SNX3: variants seen among roughly 807,000 people sequenced by gnomAD.
The protein encoded by SNX3 is sorting nexin-3.
A neutral mutation model predicts 17.7 loss-of-function variants in SNX3; 5 were observed. The ratio of observed to expected loss-of-function variants is 0.28; its 90% CI spans 0.15 to 0.59. The LOEUF is 0.59. Ranked by LOEUF, SNX3 falls within the 20% of genes least tolerant of loss-of-function variation. The pLI, the probability that SNX3 is intolerant of heterozygous loss-of-function variation, is 0.88. For missense variants in SNX3, 132 were observed against 206.8 expected (o/e 0.64, Z 2.22); for synonymous variants, 91 against 76.5 (o/e 1.19, Z -0.99).
chr6:108,225,364 C>T (rs375932200), intron 1 of SNX3, among the ~76,000 whole-genome samples: 7 of 151,498 alleles, frequency 4.6e-5, no homozygotes, highest in African/African-American at 7.3e-5. Context: ...TTTGGGAGGC[C>T]GAGGTGGGCC....
chr6:108,214,755 G>T, intron 2 of SNX3, 133 bp from the exon 3 acceptor site: 1 of 887,034 alleles, frequency 1.1e-6, no homozygotes, highest in Non-Finnish European at 1.7e-6. Context: ...ATATAAAAGA[G>T]CAAAAAATAC....
At position 108,214,500 on chromosome 6, in the gene SNX3, G is replaced by A. The variant is rs1379696733; in HGVS notation, c.381C>T (p.Asn127=). 2 of 1,613,050 alleles carry A rather than the reference G, an allele frequency of 1.2e-6. No homozygotes were observed. Among genetic ancestry groups the A allele is most frequent in the Non-Finnish European group, 8.5e-7 (1 of 1,179,670 alleles). ...TTTGAGGAATAGGAAGCACTTACTT[G>A]TTTATAAACTGCTCCAGCCCTTGTT... ...ERKQGLEQFI[N]KVAGHPLAQN... The change falls in exon 3 of 4, where the codon AAC becomes AAT. Residue 127 remains asparagine (N), a splice_region_variant and synonymous_variant. Coordinates refer to ENST00000230085, the MANE Select transcript of SNX3 (RefSeq NM_003795.6).
At chr6:108,254,725 G>A (rs182045469) in intron 1 of SNX3, among the ~76,000 whole-genome samples, 4 of 152,136 alleles carry the variant, frequency 2.6e-5, no homozygotes, top group Admixed American at 2.6e-4. Context: ...AAAGCTACCA[G>A]GGCACACAGG....
chr6:108,253,459 G>A (rs1041976141), intron 1 of SNX3, among the ~76,000 whole-genome samples: 35 of 150,174 alleles, frequency 2.3e-4, no homozygotes, highest in Admixed American at 1.0e-3. Flanking sequence ...TATAGACATG[G>A]ATGATGCAAG....
intron 1 of SNX3, among the ~76,000 whole-genome samples, chr6:108,259,299 T>C (rs1182466624): frequency 6.6e-6 from 1 of 152,208 alleles, no homozygotes; most frequent in Non-Finnish European, 1.5e-5. Flanking sequence ...AATGGCCCGA[T>C]CTAGGCTCAC....
At chr6:108,238,101 C>CAAATAAAAAAAA (rs1775404268) in intron 1 of SNX3, among the ~76,000 whole-genome samples, 1 of 85,432 alleles carries the variant, frequency 1.2e-5, no homozygotes, top group Non-Finnish European at 2.2e-5. Flanking sequence ...GATCCTGTCT[C>CAAATAAAAAAAA]AAAAAAAAAA....
intron 1 of SNX3, among the ~76,000 whole-genome samples, chr6:108,234,288 C>T (rs1775258226): frequency 1.3e-5 from 2 of 151,808 alleles, no homozygotes; most frequent in Non-Finnish European, 2.9e-5. Flanking sequence ...TGCAGTGGCT[C>T]ACGCCTGTAA....
chr6:108,235,874 TGA>T (rs1775313963), intron 1 of SNX3, among the ~76,000 whole-genome samples: 1 of 152,046 alleles, frequency 6.6e-6, no homozygotes, highest in Admixed American at 6.6e-5. Flanking sequence ...GGCGACAGAG[TGA>T]GACTCTACCT....
intron 2 of SNX3, among the ~76,000 whole-genome samples, chr6:108,215,392 C>T (rs915422430): frequency 1.3e-5 from 2 of 151,740 alleles, no homozygotes; most frequent in African/African-American, 4.8e-5. Flanking sequence ...CAACCTCTTA[C>T]CATCTGCATA....
chr6:108,224,176 C>T (rs1317328168), intron 1 of SNX3, among the ~76,000 whole-genome samples: 3 of 152,152 alleles, frequency 2.0e-5, no homozygotes, highest in Non-Finnish European at 4.4e-5. Context: ...ACTCCATTGC[C>T]CAGGCTGGAT....
intron 1 of SNX3, among the ~76,000 whole-genome samples, chr6:108,247,272 C>T (rs555726518): frequency 3.9e-5 from 6 of 151,920 alleles, no homozygotes; most frequent in Non-Finnish European, 7.4e-5. Context: ...TACCCAGTCT[C>T]GGGTAGTAAA....
chr6:108,236,415 G>A (rs55748174), intron 1 of SNX3, among the ~76,000 whole-genome samples: 10,212 of 136,288 alleles, frequency 0.075, 1,272 homozygotes, highest in African/African-American at 0.27. Flanking sequence ...ACGGAGTCTC[G>A]CTCTGTCGCC....
chr6:108,217,227 A>G (rs938421515), intron 2 of SNX3, among the ~76,000 whole-genome samples: 1 of 151,008 alleles, frequency 6.6e-6, no homozygotes, highest in Non-Finnish European at 1.5e-5. Context: ...TATATATATA[A>G]TTAAATATAT....
chr6:108,237,012 C>T (rs916340586), intron 1 of SNX3, among the ~76,000 whole-genome samples: 3 of 152,196 alleles, frequency 2.0e-5, no homozygotes, highest in Non-Finnish European at 4.4e-5. Flanking sequence ...AATCACTTAA[C>T]ATAAAAATCT....
intron 2 of SNX3, among the ~76,000 whole-genome samples, chr6:108,218,299 T>A (rs1431429407): frequency 6.6e-6 from 1 of 152,148 alleles, no homozygotes; most frequent in Non-Finnish European, 1.5e-5. Flanking sequence ...TCAACATTAG[T>A]GGCCATTAGA....
chr6:108,216,300 C>G (rs1159892163), intron 2 of SNX3, among the ~76,000 whole-genome samples: 1 of 152,176 alleles, frequency 6.6e-6, no homozygotes, highest in Non-Finnish European at 1.5e-5. Context: ...GGCTGGCATT[C>G]TTTTCTTTAG....
chr6:108,255,611 C>T (rs1582515851), intron 1 of SNX3, among the ~76,000 whole-genome samples: 1 of 152,148 alleles, frequency 6.6e-6, no homozygotes, highest in African/African-American at 2.4e-5. Flanking sequence ...CTTGGCCTCC[C>T]AAGTGCTGGG....
intron 1 of SNX3, among the ~76,000 whole-genome samples, chr6:108,258,556 C>A (rs1455086473): frequency 6.6e-6 from 1 of 152,024 alleles, no homozygotes; most frequent in Non-Finnish European, 1.5e-5. Flanking sequence ...GTTATGCCGG[C>A]TTGAGTAGAG....
intron 1 of SNX3, among the ~76,000 whole-genome samples, chr6:108,226,790 C>T (rs967227861): frequency 2.1e-4 from 32 of 152,170 alleles, no homozygotes; most frequent in African/African-American, 6.8e-4. Flanking sequence ...ATTAACTTCT[C>T]TATGTTGTAT....
Sources: allele counts gnomAD v4.1 joint callset (sites outside exome capture counted in the v4.1 genomes callset), GRCh38; gene constraint gnomAD v4.1.1; transcripts MANE v1.5; gene names NCBI Gene and HGNC (gene_info 2026-07-23, HGNC 2026-07-21).